TENM2: variants seen among roughly 807,000 people sequenced by gnomAD.
The protein encoded by TENM2 is teneurin-2.
TENM2 carries 52 observed loss-of-function variants against 245.2 expected under a neutral mutation model. The ratio of observed to expected loss-of-function variants is 0.21; its 90% CI spans 0.17 to 0.27. The LOEUF (loss-of-function observed/expected upper bound fraction) is 0.27, where lower values mean the gene tolerates loss of function less well. TENM2 is among the 10% of genes least tolerant of loss of function. The probability of loss-of-function intolerance (pLI) is 1.00; values close to 1 mark genes in which losing one functional copy is unlikely to be tolerated. For synonymous variants in TENM2, 1,363 were observed against 1,438.9 expected (o/e 0.95, Z 1.19); for missense variants, 3,046 against 3,666.8 (o/e 0.83, Z 4.37).
chr5:167,452,526 G>A (rs1765646075), intron 2 of TENM2, among the ~76,000 whole-genome samples: 1 of 152,150 alleles, frequency 6.6e-6, no homozygotes, highest in Non-Finnish European at 1.5e-5. Context: ...CATTGCATCA[G>A]TGACAATTGT....
chr5:167,684,574 A>G (rs1459001239), intron 2 of TENM2, among the ~76,000 whole-genome samples: 2 of 152,206 alleles, frequency 1.3e-5, no homozygotes, highest in African/African-American at 2.4e-5. Context: ...GTTTTTCCAC[A>G]TTGCTAGATG....
chr5:167,054,521 GT>G, the TENM2 span, among the ~76,000 whole-genome samples: 3 of 152,226 alleles, frequency 2.0e-5, no homozygotes, highest in East Asian at 1.9e-4. Flanking sequence ...GTAGACATAA[GT>G]TTTTAACTCC....
At chr5:167,824,672 A>G (rs766583188) in intron 2 of TENM2, among the ~76,000 whole-genome samples, 1 of 152,212 alleles carries the variant, frequency 6.6e-6, no homozygotes, top group Non-Finnish European at 1.5e-5. Context: ...TTTCCATATC[A>G]TCAAGTCTAA....
At chr5:168,253,280 T>C (rs1767301053) in intron 27 of TENM2, among the ~76,000 whole-genome samples, 1 of 151,758 alleles carries the variant, frequency 6.6e-6, no homozygotes, top group Non-Finnish European at 1.5e-5. Flanking sequence ...CCACAATTTC[T>C]TCATCAGCAA....
At chr5:168,053,794 G>A (rs1357377601) in intron 6 of TENM2, among the ~76,000 whole-genome samples, 1 of 152,150 alleles carries the variant, frequency 6.6e-6, no homozygotes, top group African/African-American at 2.4e-5. Context: ...ATGACTGTGG[G>A]CCTGAATGCA....
Position 168,088,997 on chromosome 5 carries a change from C to T in TENM2, c.1516-1577C>T, listed in dbSNP as rs184924976. Among the ~76,000 whole-genome samples, 12 of 152,248 alleles carry T rather than the reference C, an allele frequency of 7.9e-5. No individual in the cohort carries two copies. The South Asian group carries it at 2.1e-3, about 26-fold the overall frequency. The stretch of plus-strand genomic sequence containing the variant: ...TTAATCCTACAGTGGTGGTTTTCAT[C>T]GGCTAAAACCTACACTTTGAATGTT... On this transcript the variant is annotated intron_variant, in intron 7 of 28. Transcript: ENST00000518659.
intron 2 of TENM2, among the ~76,000 whole-genome samples, chr5:167,528,571 A>T (rs571987256): frequency 5.8e-4 from 89 of 152,282 alleles, no homozygotes; most frequent in African/African-American, 2.1e-3. Flanking sequence ...TCTGCCACAT[A>T]CTAAGTGAGC....
chr5:167,271,433 A>G, the TENM2 span, among the ~76,000 whole-genome samples: 1 of 152,078 alleles, frequency 6.6e-6, no homozygotes, highest in African/African-American at 2.4e-5. Flanking sequence ...TTGAATGTTA[A>G]GCAGTTTGGA....
intron 3 of TENM2, among the ~76,000 whole-genome samples, chr5:167,933,700 C>T (rs993505637): frequency 7.3e-5 from 11 of 151,488 alleles, no homozygotes; most frequent in African/African-American, 2.4e-4. Context: ...TGACCCAGGA[C>T]CAACTAGAGT....
Position 168,217,077 on chromosome 5 carries a change from A to G in TENM2, c.4233+155A>G, listed in dbSNP as rs72835062. Among the ~76,000 whole-genome samples the G allele has an allele frequency of 3.4e-3, 522 of 152,340 alleles. 1 individual carries two copies. Among genetic ancestry groups the G allele is most frequent in the Non-Finnish European group, 5.4e-3 (368 of 68,036 alleles). ...GGAGAAAGCCTGAGATGAGCTAAACAGTAAGATGGAGTGGAAAATGTCAGA... is the reference window on the plus strand; with the variant it reads ...GGAGAAAGCCTGAGATGAGCTAAACGGTAAGATGGAGTGGAAAATGTCAGA... On this transcript the variant is annotated intron_variant, in intron 22 of 28. Transcript: ENST00000518659.
At chr5:167,705,779 C>A (rs1758461883) in intron 2 of TENM2, among the ~76,000 whole-genome samples, 1 of 151,722 alleles carries the variant, frequency 6.6e-6, no homozygotes, top group South Asian at 2.1e-4. Flanking sequence ...TCCCCTACTC[C>A]CCAGCCCCTG....
At chr5:168,109,099 C>T (rs1371360545) in intron 9 of TENM2, among the ~76,000 whole-genome samples, 1 of 152,164 alleles carries the variant, frequency 6.6e-6, no homozygotes, top group Non-Finnish European at 1.5e-5. Context: ...GGCCATGGAC[C>T]ATGACTGCTG....
At chr5:167,114,143 G>GT in the TENM2 span, among the ~76,000 whole-genome samples, 1 of 152,062 alleles carries the variant, frequency 6.6e-6, no homozygotes. Context: ...AGATCATTTT[G>GT]TTTTTTTGTT....
intron 12 of TENM2, chr5:168,139,609 A>G (rs1755355810): frequency 1.5e-5 from 7 of 455,982 alleles, no homozygotes; most frequent in South Asian, 1.1e-4. Context: ...TGAGGGCACT[A>G]TGAATTAAGT....
chr5:167,949,671 C>T (rs1009658513), intron 3 of TENM2, among the ~76,000 whole-genome samples: 22 of 152,134 alleles, frequency 1.4e-4, no homozygotes, highest in Non-Finnish European at 2.5e-4. Flanking sequence ...TGAGGTAGCA[C>T]GCCCAGGTTC....
chr5:167,146,263 G>C, the TENM2 span, among the ~76,000 whole-genome samples: 368 of 152,252 alleles, frequency 2.4e-3, 1 homozygote, highest in African/African-American at 8.3e-3. Flanking sequence ...GTCAACAGGC[G>C]TTCTGGTTGG....
chr5:167,316,163 C>T (rs962764860), intron 1 of TENM2, among the ~76,000 whole-genome samples: 1 of 152,156 alleles, frequency 6.6e-6, no homozygotes, highest in Non-Finnish European at 1.5e-5. Flanking sequence ...ATTTACTCAT[C>T]TATATACTGC....
At chr5:168,200,202 A>G in intron 17 of TENM2, 71 bp downstream of exon 19, 1 of 1,406,054 alleles carries the variant, frequency 7.1e-7, no homozygotes, top group Non-Finnish European at 9.7e-7. Flanking sequence ...ATATTTATTG[A>G]GTTCCGAGGA....
chr5:168,215,322 C>G lies in TENM2; in HGVS notation c.4078+50C>G, dbSNP rs546184169. ...CCCGCCCCAGATAAAGCTTTGCCAC[C>G]AGCTTGGCTTTCTTCTCATCAGAAC... On this transcript the variant is annotated intron_variant, in intron 21 of 28. Coordinates refer to ENST00000518659, the Ensembl canonical transcript of TENM2. The G allele has an allele frequency of 7.0e-5, 106 of 1,509,892 alleles. No individual in the cohort carries two copies. In the African/African-American group the frequency reaches 1.3e-3, roughly 19 times the overall value. 93.5% of individuals were successfully genotyped at this position (1,509,892 alleles called of 1,614,324 possible). A position where few individuals can be genotyped will look rare whatever the true frequency, so the allele number is the denominator to read the frequency against.
Sources: gnomAD v4.1 joint callset for allele counts (sites outside exome capture counted in the v4.1 genomes callset) on GRCh38, gnomAD v4.1.1 for gene constraint, MANE v1.5 for transcripts, NCBI Gene and HGNC (gene_info 2026-07-23, HGNC 2026-07-21) for gene names.